Variants in KNL1 observed in about 807,000 individuals in gnomAD.
The protein encoded by KNL1 is outer kinetochore KNL1 complex subunit KNL1.
Under a neutral mutation model 201.3 loss-of-function variants are expected in KNL1, and 66 were observed. The ratio of observed to expected loss-of-function variants is 0.33; its 90% CI spans 0.27 to 0.40. The LOEUF (loss-of-function observed/expected upper bound fraction) is 0.40. Ranked by LOEUF, KNL1 falls within the 10% of genes least tolerant of loss-of-function variation. KNL1 has a pLI of 1.00. For missense variants in KNL1, 2,815 were observed against 2,690.5 expected, an observed-to-expected ratio of 1.05 and a Z score of -1.02; for synonymous variants, 895 against 899.2, an observed-to-expected ratio of 1.00 and a Z score of 0.08.
intron 23 of KNL1, 61 bp downstream of exon 23, chr15:40,657,212 C>T: frequency 1.7e-6 from 2 of 1,166,572 alleles, no homozygotes; most frequent in Admixed American, 2.0e-5. Context: ...AAAAGCAGAA[C>T]TGAAACTTTA....
At position 40,652,045 on chromosome 15, in the gene KNL1, G is replaced by A; in HGVS notation, c.6355G>A (p.Ala2119Thr). 6.2e-7 allele frequency: 1 copy of A among 1,613,776 alleles called. No individual in the cohort carries two copies. The highest frequency in any genetic ancestry group is 1.1e-5 in the South Asian group (1 of 91,066). Residue 2119 changes from alanine to threonine, a missense_variant, in exon 21 of 26, where the codon GCT (alanine) becomes ACT (threonine). This residue lies in a region of KNL1 where 334 missense variants were observed against 362.6 expected (regional missense o/e 0.92). Transcript: ENST00000399668. ...WDVVEWSDDQ[A>T]VFTFVYDTIQ... ...TGTCGTTGAGTGGAGTGATGATCAA[G>A]CTGTATTCACCTTTGTTTATGACAC...
intron 24 of KNL1, among the ~76,000 whole-genome samples, chr15:40,658,094 C>T (rs1331266066): frequency 6.6e-6 from 1 of 150,902 alleles, no homozygotes; most frequent in African/African-American, 2.4e-5. Flanking sequence ...GGTGAAACCC[C>T]GTCTCTACTA....
intron 8 of KNL1, 62 bp downstream of exon 8, chr15:40,615,440 C>A: frequency 2.0e-6 from 1 of 492,200 alleles, no homozygotes; most frequent in Non-Finnish European, 3.6e-6. Context: ...GTTTCTTGAT[C>A]ACTATTATGT....
intron 13 of KNL1, among the ~76,000 whole-genome samples, chr15:40,633,536 A>G (rs562418994): frequency 9.8e-4 from 149 of 152,122 alleles, no homozygotes; most frequent in Admixed American, 1.6e-3. Context: ...TTACTATACT[A>G]TACTCTTTAT....
chr15:40,611,399 G>A (rs1303218548), intron 6 of KNL1, 79 bp from the exon 7 acceptor site: 2 of 174,888 alleles, frequency 1.1e-5, no homozygotes, highest in South Asian at 1.9e-4. Context: ...GAGCCACCGG[G>A]CCCAGCTGTC....
intron 25 of KNL1, among the ~76,000 whole-genome samples, chr15:40,660,604 G>A (rs1166457446): frequency 6.9e-6 from 1 of 144,782 alleles, no homozygotes; most frequent in African/African-American, 2.6e-5. Flanking sequence ...GGTGGAGGTT[G>A]CAGTGAGCCG....
rs1476295069 is a variant in KNL1, at chr15:40,622,375, C to A, written c.2111C>A (p.Ser704Ter). The stretch of plus-strand genomic sequence containing the variant: ...TTTTCTACCACAAAGCCATTATTTT[C>A]ATCAGGACAGTTCTCTATGAAAAAT... ...SLFSTTKPLF[S>*]SGQFSMKNHD... The change falls in exon 10 of 26, where the codon TCA becomes TAA. Residue 704 changes from serine (S) to a stop codon, truncating the protein, a stop_gained. Coordinates refer to ENST00000399668, the MANE Select transcript of KNL1 (RefSeq NM_144508.5). LOFTEE classifies it high-confidence loss of function. 6.2e-7 allele frequency: 1 copy of A among 1,613,736 alleles called. No homozygotes were observed. The highest frequency in any genetic ancestry group is 8.5e-7 in the Non-Finnish European group (1 of 1,179,834).
At chr15:40,609,993 C>T (rs1053047067) in intron 5 of KNL1, among the ~76,000 whole-genome samples, 6 of 152,062 alleles carry the variant, frequency 3.9e-5, no homozygotes, top group South Asian at 2.1e-4. Flanking sequence ...GAGCTGTGAT[C>T]GCACCACTGC....
At chr15:40,610,095 C>A in intron 5 of KNL1, 150 bp from the exon 6 acceptor site, 1 of 495,046 alleles carries the variant, frequency 2.0e-6, no homozygotes, top group South Asian at 3.6e-5. Context: ...CTACTTTTGG[C>A]ATTTGAAATA....
At chr15:40,651,293 TATAAA>T (rs1168342844) in intron 19 of KNL1, among the ~76,000 whole-genome samples, 173 bp from the exon 20 acceptor site, 51 of 106,996 alleles carry the variant, frequency 4.8e-4, no homozygotes, top group African/African-American at 5.9e-4. Flanking sequence ...TTAATGCTTA[TATAAA>T]AAAAAAAAAA....
intron 10 of KNL1, chr15:40,626,028 A>G (rs1276384195): frequency 1.3e-5 from 2 of 157,846 alleles, no homozygotes; most frequent in East Asian, 1.8e-4. Context: ...CAGTGTTGTT[A>G]TATTTGGGGA....
chr15:40,623,848 A>G lies in KNL1; in HGVS notation c.3584A>G (p.Lys1195Arg). 1 of 1,613,674 alleles carries G rather than the reference A, an allele frequency of 6.2e-7. No individual in the cohort carries two copies. Among genetic ancestry groups the G allele is most frequent in the Non-Finnish European group, 8.5e-7 (1 of 1,179,866 alleles). ...ENPKFGIGKG[K>R]NLGVSFPKDN... ...CCTAAATTTGGAATAGGAAAAGGAAAAAACTTGGGTGTTTCCTTTCCTAAG... is the reference window on the plus strand; with the variant it reads ...CCTAAATTTGGAATAGGAAAAGGAAGAAACTTGGGTGTTTCCTTTCCTAAG... The change falls in exon 10 of 26, where the codon AAA becomes AGA. Residue 1195 changes from lysine to arginine, a missense_variant. Physicochemically the swap from Lys to Arg is conservative, Grantham distance 26. Around this residue, in one of 3 missense-constraint regions of KNL1, gnomAD observed 2,464 missense variants for 2,291.7 expected, o/e 1.08. Transcript: ENST00000399668.
At chr15:40,643,103 A>G (rs1435777154) in intron 14 of KNL1, 1 of 152,230 alleles carries the variant, frequency 6.6e-6, no homozygotes, top group African/African-American at 2.4e-5. Context: ...ATATATTGAG[A>G]CTATCATAAC....
In KNL1 at chr15:40,662,439, A is replaced by G. The variant is rs1184741598; in HGVS notation, c.*251A>G. The G allele has an allele frequency of 2.9e-6, 1 of 350,662 alleles. No homozygotes were observed. The highest frequency in any genetic ancestry group is 5.2e-6 in the Non-Finnish European group (1 of 192,706). 21.7% of individuals were successfully genotyped at this position (350,662 alleles called of 1,614,324 possible). On this transcript the variant is annotated 3_prime_UTR_variant, in exon 26 of 26. Transcript: ENST00000399668. ...AGGTTTAAGTAATAGGACACTTAGG[A>G]AAAATGTCTCCTAACTAAACTAGTG...
At chr15:40,619,299 A>G (rs2141717551) in intron 9 of KNL1, among the ~76,000 whole-genome samples, 1 of 151,942 alleles carries the variant, frequency 6.6e-6, no homozygotes, top group Non-Finnish European at 1.5e-5. Context: ...CCATACTTTC[A>G]GTAGCAAAGA....
intron 15 of KNL1, among the ~76,000 whole-genome samples, chr15:40,645,354 C>T (rs1185730280): frequency 2.0e-5 from 3 of 152,010 alleles, no homozygotes; most frequent in East Asian, 1.9e-4. Context: ...TAGATTTAGA[C>T]GAAGAAAAGA....
At position 40,645,752 on chromosome 15, in the gene KNL1, A is replaced by C; in HGVS notation, c.5986A>C (p.Lys1996Gln). 6.3e-7 allele frequency: 1 copy of C among 1,599,202 alleles called. No individual in the cohort carries two copies. Among genetic ancestry groups the C allele is most frequent in the African/African-American group, 1.3e-5 (1 of 74,580 alleles). Residue 1996 changes from lysine (K) to glutamine (Q), a missense_variant, in exon 16 of 26, where the codon AAG (lysine) becomes CAG (glutamine). Coordinates refer to ENST00000399668, the MANE Select transcript of KNL1 (RefSeq NM_144508.5). ...CCAAGGAAAAGTGGCTCTGTATGGC[A>C]AGCTGGTGCAGTCAGCTCAGGTAAT... Reference protein sequence around the residue: ...THQGKVALYGKLVQSAQNERE... With the variant: ...THQGKVALYGQLVQSAQNERE...
chr15:40,640,558 A>G (rs187208628), intron 13 of KNL1, among the ~76,000 whole-genome samples: 98 of 152,328 alleles, frequency 6.4e-4, no homozygotes, highest in Admixed American at 2.3e-3. Context: ...TGGCTAGAAA[A>G]TGGGAATAGT....
chr15:40,624,104 A>G lies in KNL1; in HGVS notation c.3840A>G (p.Arg1280=). The G allele has an allele frequency of 6.2e-7, 1 of 1,614,036 alleles. No individual in the cohort carries two copies. Among genetic ancestry groups the G allele is most frequent in the Non-Finnish European group, 8.5e-7 (1 of 1,179,946 alleles). ...TTGAAAGCTGTCAGTTAAATAATAG[A>G]GATAGAAGAAATGTGGACTTTACAA... ...AQVESCQLNN[R]DRRNVDFTSS... The change falls in exon 10 of 26, where the codon AGA becomes AGG. Residue 1280 remains arginine (R), a synonymous_variant. Transcript: ENST00000399668.
Sources: allele counts gnomAD v4.1 joint callset (sites outside exome capture counted in the v4.1 genomes callset), GRCh38; gene constraint gnomAD v4.1.1; regional missense constraint gnomAD v4.1.1; transcripts MANE v1.5; gene names NCBI Gene and HGNC (gene_info 2026-07-23, HGNC 2026-07-21).